Variants in ZNF184 observed in about 807,000 individuals in gnomAD.
The protein encoded by ZNF184 is zinc finger protein 184 (Kruppel-like).
Under a neutral mutation model 54.4 loss-of-function variants are expected in ZNF184, and 16 were observed. The observed-to-expected ratio is 0.29, with a 90% CI of 0.20 to 0.45. The LOEUF (loss-of-function observed/expected upper bound fraction) is 0.45. Ranked by LOEUF, ZNF184 falls within the 20% of genes least tolerant of loss-of-function variation. The pLI, the probability that ZNF184 is intolerant of heterozygous loss-of-function variation, is 1.00. For synonymous variants in ZNF184, 254 were observed against 295.3 expected (o/e 0.86, Z 1.43); for missense variants, 681 against 888.2 (o/e 0.77, Z 2.97).
downstream of ZNF184, among the ~76,000 whole-genome samples, chr6:27,450,410 G>A (rs1435255687): frequency 8.7e-6 from 1 of 114,838 alleles, no homozygotes; most frequent in African/African-American, 3.1e-5. Context: ...TCACCAATGG[G>A]ATTAGTAGTC....
chr6:27,452,057 G>A lies in ZNF184; in HGVS notation c.1502C>T (p.Pro501Leu), dbSNP rs1283067238. Residue 501 changes from proline (P) to leucine (L), a missense_variant, in exon 6 of 6, where the codon CCC (proline) becomes CTC (leucine). Coordinates refer to ENST00000683788, the MANE Select transcript of ZNF184 (RefSeq NM_001318891.2). This position sits in a 1 kb window ranked among gnomAD's most constrained non-coding sequence, Gnocchi z 5.5. ...CTTTCCACATTCACTGCATTCAAAGGGCTTTTCTCTCGTGTGAATTCTCCG... is the reference window on the plus strand; with the variant it reads ...CTTTCCACATTCACTGCATTCAAAGAGCTTTTCTCTCGTGTGAATTCTCCG... The part of the protein sequence containing the change: ...QHRRIHTREK[P>L]FECSECGKAF... 1 of 1,613,858 alleles carries A rather than the reference G, an allele frequency of 6.2e-7. No individual in the cohort carries two copies. Among genetic ancestry groups the A allele is most frequent in the Non-Finnish European group, 8.5e-7 (1 of 1,180,016 alleles).
chr6:27,463,832 A>C (rs1186419809), intron 3 of ZNF184, among the ~76,000 whole-genome samples: 1 of 152,114 alleles, frequency 6.6e-6, no homozygotes, highest in Non-Finnish European at 1.5e-5. Context: ...CAAAATAAAG[A>C]CTTCTTTAGA....
chr6:27,445,647 T>A, the ZNF184 span, among the ~76,000 whole-genome samples: 12 of 148,298 alleles, frequency 8.1e-5, no homozygotes, highest in African/African-American at 3.0e-4. Context: ...TTTTGACTTC[T>A]CAGCCTCCAG....
At chr6:27,464,211 AC>A (rs1763068385) in intron 3 of ZNF184, among the ~76,000 whole-genome samples, 1 of 152,254 alleles carries the variant, frequency 6.6e-6, no homozygotes, top group Non-Finnish European at 1.5e-5. Context: ...TGATCATTAC[AC>A]AATGAGCATT....
the ZNF184 span, chr6:27,406,263 A>G: frequency 5.9e-5 from 9 of 152,472 alleles, no homozygotes; most frequent in African/African-American, 1.9e-4. Context: ...CAAGTCCATG[A>G]CAGGTGGCAC....
the ZNF184 span, among the ~76,000 whole-genome samples, chr6:27,423,859 A>G: frequency 6.6e-6 from 1 of 152,186 alleles, no homozygotes; most frequent in African/African-American, 2.4e-5. Context: ...TGTAATTTTG[A>G]ATTCTTATAC....
chr6:27,410,938 G>T, the ZNF184 span, among the ~76,000 whole-genome samples: 6 of 152,354 alleles, frequency 3.9e-5, no homozygotes, highest in East Asian at 9.6e-4. Context: ...CAGAAACTAG[G>T]TGGGAAGCTG....
Position 27,452,020 on chromosome 6 carries a change from A to G in ZNF184, c.1539T>C (p.Tyr513=), listed in dbSNP as rs375263155. The change falls in exon 6 of 6, where the codon TAT becomes TAC. Residue 513 remains tyrosine (Y), a synonymous_variant. Coordinates refer to ENST00000683788, the MANE Select transcript of ZNF184 (RefSeq NM_001318891.2). The surrounding 1 kb of genome is among the most constrained non-coding windows in gnomAD (Gnocchi z 5.5). The part of the protein sequence containing the change: ...ECSECGKAFS[Y]LSNLNQHQKT... ...TCTGATGCTGATTAAGGTTTGAGAG[A>G]TAACTGAAAGCCTTTCCACATTCAC... The G allele has an allele frequency of 6.7e-5, 108 of 1,613,794 alleles. No individual in the cohort carries two copies. The highest frequency in any genetic ancestry group is 1.6e-4 in the Middle Eastern group (1 of 6,084).
chr6:27,456,144 G>A (rs1167910982), intron 5 of ZNF184, among the ~76,000 whole-genome samples: 1 of 152,048 alleles, frequency 6.6e-6, no homozygotes, highest in African/African-American at 2.4e-5. Context: ...TGTAGTTCCA[G>A]CTACTCGGGA....
At chr6:27,444,533 T>A in the ZNF184 span, among the ~76,000 whole-genome samples, 6 of 152,184 alleles carry the variant, frequency 3.9e-5, no homozygotes, top group African/African-American at 1.2e-4. Flanking sequence ...AATTTTCTTT[T>A]CCCATTATGG....
At chr6:27,407,232 G>T in the ZNF184 span, among the ~76,000 whole-genome samples, 1 of 152,108 alleles carries the variant, frequency 6.6e-6, no homozygotes, top group Non-Finnish European at 1.5e-5. Context: ...GCAGGTGAAA[G>T]ATGATTTTGT....
chr6:27,438,182 C>G, the ZNF184 span, among the ~76,000 whole-genome samples: 1 of 152,104 alleles, frequency 6.6e-6, no homozygotes. Context: ...GTTTCTTAGC[C>G]AAGTACATCA....
At chr6:27,432,680 C>T in the ZNF184 span, among the ~76,000 whole-genome samples, 3 of 152,276 alleles carry the variant, frequency 2.0e-5, no homozygotes, top group African/African-American at 7.2e-5. The surrounding 1 kb of genome is among the most constrained non-coding windows in gnomAD (Gnocchi z 4.0). Context: ...ATTCTACTTT[C>T]CAAAAATGGC....
At chr6:27,417,635 G>T in the ZNF184 span, among the ~76,000 whole-genome samples, 4 of 151,996 alleles carry the variant, frequency 2.6e-5, no homozygotes, top group African/African-American at 9.7e-5. Flanking sequence ...TTCTCAATTT[G>T]CCCATGTGTA....
chr6:27,468,795 TA>T (rs1464927155), intron 2 of ZNF184, among the ~76,000 whole-genome samples: 4 of 152,252 alleles, frequency 2.6e-5, no homozygotes, highest in Non-Finnish European at 4.4e-5. Flanking sequence ...ATATTTATAT[TA>T]ACTTTAAAAA....
the ZNF184 span, among the ~76,000 whole-genome samples, chr6:27,414,915 C>T: frequency 2.2e-3 from 333 of 152,250 alleles, 2 homozygotes; most frequent in African/African-American, 7.6e-3. Context: ...ACCTAAAACA[C>T]CCATGGGCTC....
intron 5 of ZNF184, among the ~76,000 whole-genome samples, chr6:27,455,873 G>T (rs2113716146): frequency 6.6e-6 from 1 of 152,128 alleles, no homozygotes; most frequent in East Asian, 1.9e-4. Context: ...TTTTTCCAGG[G>T]TCAGATCCTT....
At chr6:27,441,039 AAG>A in the ZNF184 span, among the ~76,000 whole-genome samples, 1 of 152,092 alleles carries the variant, frequency 6.6e-6, no homozygotes, top group Non-Finnish European at 1.5e-5. Context: ...TAAAATGAAA[AAG>A]AGAAGGTGCA....
chr6:27,431,319 A>T, the ZNF184 span, among the ~76,000 whole-genome samples: 1 of 152,178 alleles, frequency 6.6e-6, no homozygotes, highest in South Asian at 2.1e-4. Flanking sequence ...GGATCTAGAT[A>T]CAAGTCCCAT....
Sources: gnomAD v4.1 joint callset for allele counts (sites outside exome capture counted in the v4.1 genomes callset) on GRCh38, gnomAD v4.1.1 for gene constraint, Gnocchi (gnomAD v3.1) non-coding constraint, MANE v1.5 for transcripts, NCBI Gene and HGNC (gene_info 2026-07-23, HGNC 2026-07-21) for gene names.